The following C15orf40 variants were observed in gnomAD, a reference collection of about 807,000 sequenced individuals.
The protein encoded by C15orf40 is UPF0235 protein C15orf40.
Under a neutral mutation model 13.9 loss-of-function variants are expected in C15orf40, and 9 were observed. The ratio of observed to expected loss-of-function variants is 0.65; its 90% CI spans 0.39 to 1.13. The LOEUF (loss-of-function observed/expected upper bound fraction) is 1.13, where lower values mean the gene tolerates loss of function less well. Among genes scored for constraint, C15orf40 ranks in the 50% most tolerant of loss-of-function variants. The pLI, the probability that C15orf40 is intolerant of heterozygous loss-of-function variation, is 0.01. For missense variants in C15orf40, 225 were observed against 188.5 expected, an observed-to-expected ratio of 1.19 and a Z score of -1.13; for synonymous variants, 95 against 69.2, an observed-to-expected ratio of 1.37 and a Z score of -1.85.
chr15:82,997,460 C>A lies in C15orf40; in HGVS notation c.*8137G>T. Reference sequence around the variant, plus strand: ...TTAACAAAGCACATCTTGCACCGCCCTTAATCCATTTAACCCTGAGTGGAC... The same window carrying A: ...TTAACAAAGCACATCTTGCACCGCCATTAATCCATTTAACCCTGAGTGGAC... On this transcript the variant is annotated 3_prime_UTR_variant, in exon 4 of 4. Coordinates refer to ENST00000304177, the MANE Select transcript of C15orf40 (RefSeq NM_144597.3). 7.2e-6 allele frequency: 1 copy of A among 139,184 alleles called. No homozygotes were observed. The highest frequency in any genetic ancestry group is 2.2e-4 in the South Asian group (1 of 4,558). 8.6% of individuals were successfully genotyped at this position (139,184 alleles called of 1,614,324 possible).
At chr15:82,992,559 C>A (rs773863953), downstream of C15orf40, among the ~76,000 whole-genome samples, 2 of 151,056 alleles carry the variant, frequency 1.3e-5, no homozygotes, top group Admixed American at 6.6e-5. Flanking sequence ...TGAGAAAGCA[C>A]AGGCACTGAC....
rs1247416780 is a variant in C15orf40 at position 82,998,540 on chromosome 15, G to C, written c.*7057C>G. On this transcript the variant is annotated 3_prime_UTR_variant, in exon 4 of 4. Coordinates refer to ENST00000304177, the MANE Select transcript of C15orf40 (RefSeq NM_144597.3). The stretch of plus-strand genomic sequence containing the variant: ...CTCCTCACATCCCAGATGGGGCGGC[G>C]GGGCAGAGGCGCTCCCCACATCTCA... 3 of 84,946 alleles carry C rather than the reference G, an allele frequency of 3.5e-5. No homozygotes were observed. 5.3% of individuals were successfully genotyped at this position (84,946 alleles called of 1,614,324 possible). A position where few individuals can be genotyped will look rare whatever the true frequency, so the allele number is the denominator to read the frequency against.
At chr15:83,010,800 C>G (rs1356598108) in intron 1 of C15orf40, 2 of 163,748 alleles carry the variant, frequency 1.2e-5, no homozygotes, top group Non-Finnish European at 2.7e-5. Context: ...TGTTATGGGA[C>G]AGGGGCTGTG....
At chr15:83,010,642 G>C (rs573177271) in intron 1 of C15orf40, 1 of 318,924 alleles carries the variant, frequency 3.1e-6, no homozygotes, top group Non-Finnish European at 5.8e-6. Context: ...CCTCTGCTTT[G>C]TATTTCCAAT....
chr15:83,000,440 T>A lies in C15orf40; in HGVS notation c.*5157A>T, dbSNP rs2031370106. On this transcript the variant is annotated 3_prime_UTR_variant, in exon 4 of 4. Transcript: ENST00000304177. ...AAGTTAACAACACTCCGACCTGAGC[T>A]AAATTTAAGATACAAGGGGACTAAG... The A allele has an allele frequency of 6.6e-6, 1 of 152,208 alleles. No individual in the cohort carries two copies. Among genetic ancestry groups the A allele is most frequent in the African/African-American group, 2.4e-5 (1 of 41,428 alleles). 9.4% of individuals were successfully genotyped at this position (152,208 alleles called of 1,614,324 possible).
downstream of C15orf40, among the ~76,000 whole-genome samples, chr15:82,992,507 ACT>A (rs1460459632): frequency 1.3e-5 from 2 of 149,042 alleles, no homozygotes; most frequent in East Asian, 1.9e-4. Flanking sequence ...CAAGAGCGAA[ACT>A]CTCTCAAAGA....
chr15:82,994,003 A>T (rs1440358641), downstream of C15orf40, among the ~76,000 whole-genome samples: 1 of 152,162 alleles, frequency 6.6e-6, no homozygotes, highest in Non-Finnish European at 1.5e-5. Flanking sequence ...GTTATACAGA[A>T]TGTAATAAAC....
Position 83,005,575 on chromosome 15 carries a change from C to A in C15orf40, c.*22G>T. On this transcript the variant is annotated 3_prime_UTR_variant, in exon 4 of 4. Coordinates refer to ENST00000304177, the MANE Select transcript of C15orf40 (RefSeq NM_144597.3). ...CTGGGATTACAGGCATGAGCCACTG[C>A]GCCCGGCCTCATTTCTTGCTTTTAT... is the stretch of plus-strand genomic sequence containing the variant. 2 of 1,589,704 alleles carry A rather than the reference C, an allele frequency of 1.3e-6. No individual in the cohort carries two copies. Among genetic ancestry groups the A allele is most frequent in the Non-Finnish European group, 1.7e-6 (2 of 1,168,046 alleles).
chr15:83,001,327 TTAA>T lies in C15orf40; in HGVS notation c.*4267_*4269del. 1.0e-6 allele frequency: 1 copy of T among 980,916 alleles called. No individual in the cohort carries two copies. Among genetic ancestry groups the T allele is most frequent in the Non-Finnish European group, 1.2e-6 (1 of 825,822 alleles). The allele number at this position is 980,916 out of a possible 1,614,324, so 60.8% of individuals were successfully genotyped here. A position where few individuals can be genotyped will look rare whatever the true frequency, so the allele number is the denominator to read the frequency against. On this transcript the variant is annotated 3_prime_UTR_variant, in exon 4 of 4. Transcript: ENST00000304177. ...AGTGTCTGTCAAGTAAGCAACCAAGTTAATAAGTGATTAATACATCATGTTTGC... is the reference window on the plus strand; with the variant it reads ...AGTGTCTGTCAAGTAAGCAACCAAGTTAAGTGATTAATACATCATGTTTGC...
In C15orf40 at chr15:83,011,502, T is replaced by C. The variant is rs2032010395; in HGVS notation, c.106A>G (p.Thr36Ala). The change falls in exon 1 of 4, where the codon ACC becomes GCC. Residue 36 changes from threonine to alanine, a missense_variant. Physicochemically the swap from Thr to Ala is moderately conservative, Grantham distance 58. Coordinates refer to ENST00000304177, the MANE Select transcript of C15orf40 (RefSeq NM_144597.3). ...CCACGGGACCTGCTACTGGCCTTGG[T>C]CGTCGCACCAGCCTTCTTAGGCATC... Reference protein sequence around the residue: ...AEMPKKAGATTKGKSQSKEPE... With the variant: ...AEMPKKAGATAKGKSQSKEPE... 1.2e-6 allele frequency: 2 copies of C among 1,604,836 alleles called. No individual in the cohort carries two copies. Among genetic ancestry groups the C allele is most frequent in the Non-Finnish European group, 1.7e-6 (2 of 1,177,298 alleles).
chr15:83,008,701 A>T (rs775771446), intron 2 of C15orf40, 26 bp from the exon 3 acceptor site: 1 of 1,556,292 alleles, frequency 6.4e-7, no homozygotes, highest in African/African-American at 1.4e-5. Flanking sequence ...TGTGGACTTT[A>T]TCCTTAAGGA....
At chr15:83,006,228 C>T in intron 3 of C15orf40, 1 of 361,518 alleles carries the variant, frequency 2.8e-6, no homozygotes, top group African/African-American at 2.7e-5. Flanking sequence ...AAGACTCCAT[C>T]TCAAAAAAAA....
Position 83,005,273 on chromosome 15 carries a change from G to T in C15orf40, c.*324C>A. On this transcript the variant is annotated 3_prime_UTR_variant, in exon 4 of 4. Coordinates refer to ENST00000304177, the MANE Select transcript of C15orf40 (RefSeq NM_144597.3). ...ATTAGCAATAAAAAAGTTTCTCAAG[G>T]ATGTATTTTTTATTTCTTTTTTTTC... 9.9e-7 allele frequency: 1 copy of T among 1,007,300 alleles called. No homozygotes were observed. The allele number at this position is 1,007,300 out of a possible 1,614,324, so 62.4% of individuals were successfully genotyped here. A position where few individuals can be genotyped will look rare whatever the true frequency, so the allele number is the denominator to read the frequency against.
At chr15:82,990,706 G>A, downstream of C15orf40, 1 of 1,439,508 alleles carries the variant, frequency 6.9e-7, no homozygotes, top group Non-Finnish European at 9.6e-7. Flanking sequence ...ATCTGGTGGT[G>A]GTTGGGATAA....
At position 83,002,923 on chromosome 15, in the gene C15orf40, T is replaced by C. The variant is rs547113710; in HGVS notation, c.*2674A>G. On this transcript the variant is annotated 3_prime_UTR_variant, in exon 4 of 4. Transcript: ENST00000304177. ...GGTCCCGGTTCACAAGCAATTCTCC[T>C]GCCTCAGCCTCCCGAGTAGCTGGGA... is the stretch of plus-strand genomic sequence containing the variant. 1,169 of 152,440 alleles carry C rather than the reference T, an allele frequency of 7.7e-3. 6 individuals are homozygous for C. Among genetic ancestry groups the C allele is most frequent in the Non-Finnish European group, 0.01 (699 of 68,168 alleles). The allele number at this position is 152,440 out of a possible 1,614,324, so 9.4% of individuals were successfully genotyped here.
At chr15:82,991,694 C>T (rs528057240), downstream of C15orf40, among the ~76,000 whole-genome samples, 1 of 151,786 alleles carries the variant, frequency 6.6e-6, no homozygotes, top group East Asian at 1.9e-4. Context: ...GAGCCATCCT[C>T]TCGGGTAACT....
At chr15:82,991,633 A>G (rs189082561), downstream of C15orf40, among the ~76,000 whole-genome samples, 294 of 152,196 alleles carry the variant, frequency 1.9e-3, no homozygotes, top group Non-Finnish European at 2.8e-3. Context: ...TGACTTCTCC[A>G]GGTACTTCAT....
chr15:83,006,982 A>G (rs1176985654), intron 3 of C15orf40, among the ~76,000 whole-genome samples: 5 of 152,188 alleles, frequency 3.3e-5, no homozygotes, highest in African/African-American at 1.2e-4. Flanking sequence ...CTGTTAATCA[A>G]TGACTGTGAA....
downstream of C15orf40, chr15:82,990,457 G>A: frequency 1.9e-6 from 1 of 524,150 alleles, no homozygotes; most frequent in Non-Finnish European, 3.3e-6. Context: ...AATTCTAGAG[G>A]TTGATATAAT....
Sources: gnomAD v4.1 joint callset for allele counts (sites outside exome capture counted in the v4.1 genomes callset) on GRCh38, gnomAD v4.1.1 for gene constraint, MANE v1.5 for transcripts, NCBI Gene and HGNC (gene_info 2026-07-23, HGNC 2026-07-21) for gene names.